The following ANGPT1 variants were observed in gnomAD, a reference collection of about 807,000 sequenced individuals.
The protein encoded by ANGPT1 is angiopoietin-1.
In ANGPT1, 17 loss-of-function variants were observed where a neutral mutation model predicts 62.2. The ratio of observed to expected loss-of-function variants is 0.27; its 90% CI spans 0.19 to 0.41. The LOEUF (loss-of-function observed/expected upper bound fraction) is 0.41, where lower values mean the gene tolerates loss of function less well. Among genes scored for constraint, ANGPT1 ranks in the 10% least tolerant of loss-of-function variants. ANGPT1 has a pLI of 1.00. For synonymous variants in ANGPT1, 199 were observed against 198.9 expected (o/e 1.00, Z 0.00); for missense variants, 478 against 594.9 (o/e 0.80, Z 2.04).
intron 5 of ANGPT1, among the ~76,000 whole-genome samples, chr8:107,299,986 T>TACTGTATATATACTATATA (rs1814539990): frequency 7.1e-6 from 1 of 140,106 alleles, no homozygotes; most frequent in African/African-American, 2.6e-5. Flanking sequence ...TATCTAGATA[T>TACTGTATATATACTATATA]CTAGATATAA....
intron 1 of ANGPT1, among the ~76,000 whole-genome samples, chr8:107,468,827 T>C (rs772018132): frequency 2.6e-5 from 4 of 152,162 alleles, no homozygotes; most frequent in South Asian, 2.1e-4. Context: ...ACCTGTCCAA[T>C]TGGTATATTT....
intron 3 of ANGPT1, among the ~76,000 whole-genome samples, chr8:107,323,804 T>C (rs1815212943): frequency 6.6e-6 from 1 of 152,152 alleles, no homozygotes; most frequent in Admixed American, 6.5e-5. Flanking sequence ...AGTCTTGCTC[T>C]GTCGCCCAGG....
chr8:107,450,549 A>T (rs1344592828), intron 1 of ANGPT1, among the ~76,000 whole-genome samples: 2 of 151,986 alleles, frequency 1.3e-5, no homozygotes, highest in Non-Finnish European at 2.9e-5. Context: ...AATAACAAGC[A>T]CATAAGAAAT....
chr8:107,293,978 A>G lies in ANGPT1; in HGVS notation c.996T>C (p.Asp332=). 2 of 1,613,572 alleles carry G rather than the reference A, an allele frequency of 1.2e-6. No homozygotes were observed. Among genetic ancestry groups the G allele is most frequent in the Admixed American group, 3.3e-5 (2 of 59,962 alleles). The change falls in exon 6 of 9, where the codon GAT becomes GAC. Residue 332 remains aspartate, a synonymous_variant. Transcript: ENST00000517746. ...AGCCTCTTTGGAAATCTAGACTTCC[A>G]TCTTCACGATGTTGTATTACAGTCC... ...GGWTVIQHRE[D]GSLDFQRGWK...
rs186677767 is a variant in ANGPT1, at chr8:107,405,590, T to C, written c.298-58493A>G. ...TTATAAGGTGTATATAAAACATAAA[T>C]GGATTTTGTGTTTAGATTTGGGTCC... On this transcript the variant is annotated intron_variant, in intron 1 of 8. Coordinates refer to ENST00000517746, the MANE Select transcript of ANGPT1 (RefSeq NM_001146.5). 1.1e-3 allele frequency among the ~76,000 whole-genome samples: 171 copies of C among 152,120 alleles called. 1 individual carries two copies. The highest frequency in any genetic ancestry group is 3.9e-3 in the African/African-American group (162 of 41,572).
intron 1 of ANGPT1, among the ~76,000 whole-genome samples, chr8:107,414,702 A>G (rs1483925746): frequency 6.6e-6 from 1 of 152,164 alleles, no homozygotes; most frequent in Non-Finnish European, 1.5e-5. Context: ...TTTGAGACCT[A>G]GTATAGCACT....
chr8:107,256,414 A>T (rs1045201575), intron 8 of ANGPT1, among the ~76,000 whole-genome samples: 1 of 152,184 alleles, frequency 6.6e-6, no homozygotes, highest in Non-Finnish European at 1.5e-5. Context: ...TTTAAACACA[A>T]ATCCTGAAAA....
At chr8:107,317,937 T>C (rs1405154762) in intron 4 of ANGPT1, among the ~76,000 whole-genome samples, 3 of 152,168 alleles carry the variant, frequency 2.0e-5, no homozygotes, top group Non-Finnish European at 4.4e-5. Flanking sequence ...GGCCAACTAG[T>C]GGTTTTTTAA....
At chr8:107,444,755 C>A (rs970952225) in intron 1 of ANGPT1, among the ~76,000 whole-genome samples, 1 of 152,000 alleles carries the variant, frequency 6.6e-6, no homozygotes, top group African/African-American at 2.4e-5. Context: ...AAATCACTTA[C>A]CCTGACCAAG....
chr8:107,272,877 T>C (rs1399111665), intron 7 of ANGPT1, among the ~76,000 whole-genome samples: 1 of 116,508 alleles, frequency 8.6e-6, no homozygotes, highest in African/African-American at 3.5e-5. Flanking sequence ...CCTTCCCTTT[T>C]TTAAGAATAC....
intron 5 of ANGPT1, among the ~76,000 whole-genome samples, chr8:107,297,703 G>A (rs1814450346): frequency 6.7e-6 from 1 of 149,436 alleles, no homozygotes; most frequent in South Asian, 2.1e-4. Context: ...TTATAATATT[G>A]GCATCACTAA....
intron 1 of ANGPT1, among the ~76,000 whole-genome samples, chr8:107,484,286 T>A (rs1812760202): frequency 1.3e-5 from 2 of 152,212 alleles, no homozygotes; most frequent in South Asian, 4.1e-4. Flanking sequence ...TGGCCCTCAG[T>A]TTCCTTATCT....
intron 1 of ANGPT1, among the ~76,000 whole-genome samples, chr8:107,409,554 G>C (rs905111473): frequency 6.6e-6 from 1 of 152,030 alleles, no homozygotes. Context: ...TCCCTTCCTT[G>C]AGAAGTTTTC....
At chr8:107,458,237 T>C (rs766715211) in intron 1 of ANGPT1, among the ~76,000 whole-genome samples, 2 of 152,190 alleles carry the variant, frequency 1.3e-5, no homozygotes, top group Non-Finnish European at 2.9e-5. Context: ...GCAAGACTTA[T>C]ACAAGAGTAA....
chr8:107,444,189 A>G lies in ANGPT1; in HGVS notation c.297+53073T>C, dbSNP rs1481282442. On this transcript the variant is annotated intron_variant, in intron 1 of 8. Transcript: ENST00000517746. Reference sequence around the variant, plus strand: ...AAACAAAACCCCTAAACCTCAAACTATTAAGTGTTGAGCAAGATATTTAGC... The same window carrying G: ...AAACAAAACCCCTAAACCTCAAACTGTTAAGTGTTGAGCAAGATATTTAGC... 3.3e-5 allele frequency among the ~76,000 whole-genome samples: 5 copies of G among 152,322 alleles called. No homozygotes were observed. The East Asian group carries it at 9.6e-4, about 29-fold the overall frequency.
chr8:107,495,437 C>T (rs969898651), intron 1 of ANGPT1, among the ~76,000 whole-genome samples: 6 of 152,088 alleles, frequency 3.9e-5, no homozygotes, highest in East Asian at 3.9e-4. Context: ...ATATGAAACA[C>T]GTGCATGATT....
chr8:107,324,509 G>A (rs13273632), intron 3 of ANGPT1, among the ~76,000 whole-genome samples: 19,333 of 152,076 alleles, frequency 0.13, 1,525 homozygotes, highest in East Asian at 0.34. Flanking sequence ...TAGGGCCTTC[G>A]GAGAGAGCCT....
At chr8:107,324,732 G>T (rs6982658) in intron 3 of ANGPT1, among the ~76,000 whole-genome samples, 93,973 of 152,002 alleles carry the variant, frequency 0.62, 29,738 homozygotes, top group African/African-American at 0.76. Context: ...ACCTGAGGCT[G>T]CTAAGACTCT....
chr8:107,489,246 T>C (rs1812894639), intron 1 of ANGPT1, among the ~76,000 whole-genome samples: 1 of 152,208 alleles, frequency 6.6e-6, no homozygotes, highest in Non-Finnish European at 1.5e-5. Flanking sequence ...TTTTTTTCAC[T>C]TGCATTTTAT....
Sources: gnomAD v4.1 joint callset for allele counts (sites outside exome capture counted in the v4.1 genomes callset) on GRCh38, gnomAD v4.1.1 for gene constraint, MANE v1.5 for transcripts, NCBI Gene and HGNC (gene_info 2026-07-23, HGNC 2026-07-21) for gene names.